TRIM2: variants seen among roughly 807,000 people sequenced by gnomAD.
TRIM2 encodes the protein tripartite motif containing 2, also known as tripartite motif-containing protein 2.
TRIM2 carries 20 observed loss-of-function variants against 75.2 expected under a neutral mutation model. That is an observed-to-expected ratio of 0.27 (90% CI 0.19 to 0.39). TRIM2 has a LOEUF of 0.39. Among genes scored for constraint, TRIM2 ranks in the 10% least tolerant of loss-of-function variants. TRIM2 has a pLI of 1.00. For missense variants in TRIM2, 660 were observed against 990.8 expected (o/e 0.67, Z 4.48); for synonymous variants, 373 against 388.3 (o/e 0.96, Z 0.46).
chr4:153,187,011 A>G (rs776474780), intron 1 of TRIM2, among the ~76,000 whole-genome samples: 7 of 152,234 alleles, frequency 4.6e-5, no homozygotes, highest in Non-Finnish European at 1.0e-4. Context: ...TAAAAATTCA[A>G]ATCATCCTTG....
intron 2 of TRIM2, among the ~76,000 whole-genome samples, chr4:153,273,235 C>T (rs1757166957): frequency 1.4e-5 from 2 of 145,844 alleles, no homozygotes; most frequent in Admixed American, 1.4e-4. Flanking sequence ...GCTGGACATT[C>T]ATACTGGCTA....
chr4:153,242,779 G>A (rs143675101), intron 1 of TRIM2, among the ~76,000 whole-genome samples: 159 of 152,338 alleles, frequency 1.0e-3, no homozygotes, highest in Middle Eastern at 6.8e-3. Flanking sequence ...GCAGGCACTC[G>A]GAGTTAGGCC....
At chr4:153,206,595 G>A (rs1735502817) in intron 1 of TRIM2, among the ~76,000 whole-genome samples, 1 of 152,088 alleles carries the variant, frequency 6.6e-6, no homozygotes. Context: ...CCGCTCCTTT[G>A]GGTTTTTATG....
chr4:153,166,153 G>T (rs13114864), intron 1 of TRIM2, among the ~76,000 whole-genome samples: 124,871 of 152,126 alleles, frequency 0.82, 52,194 homozygotes, highest in Non-Finnish European at 0.89. Context: ...GGATGCAATA[G>T]CTTTTTTTTG....
chr4:153,244,138 CTTCTTG>C (rs1165813252), intron 1 of TRIM2, among the ~76,000 whole-genome samples: 1 of 138,508 alleles, frequency 7.2e-6, no homozygotes, highest in Non-Finnish European at 1.6e-5. Flanking sequence ...TCTTCTTCTT[CTTCTTG>C]TTCTTCTTGT....
At chr4:153,297,296 C>A (rs1045012593) in intron 6 of TRIM2, among the ~76,000 whole-genome samples, 3 of 152,166 alleles carry the variant, frequency 2.0e-5, no homozygotes, top group African/African-American at 7.2e-5. Context: ...TGATTCTCCA[C>A]CAGAGCAGAG....
At chr4:153,256,557 A>G (rs923747258) in intron 1 of TRIM2, among the ~76,000 whole-genome samples, 4 of 152,212 alleles carry the variant, frequency 2.6e-5, no homozygotes, top group African/African-American at 9.6e-5. Flanking sequence ...TTTATTCTAA[A>G]TTATTATTTG....
At chr4:153,249,131 G>C (rs1461800631) in intron 1 of TRIM2, among the ~76,000 whole-genome samples, 1 of 152,248 alleles carries the variant, frequency 6.6e-6, no homozygotes, top group African/African-American at 2.4e-5. Flanking sequence ...ACTTGAATCA[G>C]TTCTTTTACA....
chr4:153,154,894 C>T (rs1019074546), intron 1 of TRIM2, among the ~76,000 whole-genome samples: 1 of 152,144 alleles, frequency 6.6e-6, no homozygotes, highest in Non-Finnish European at 1.5e-5. Context: ...ATTCCCAGCA[C>T]TTTGGGAGGC....
intron 1 of TRIM2, among the ~76,000 whole-genome samples, chr4:153,215,957 T>C (rs1052721933): frequency 1.3e-5 from 2 of 152,352 alleles, no homozygotes; most frequent in African/African-American, 4.8e-5. Flanking sequence ...TGCCTGTTTT[T>C]ATTTTTTTGT....
chr4:153,295,627 C>T lies in TRIM2; in HGVS notation c.1101C>T (p.Ile367=). 6.2e-7 allele frequency: 1 copy of T among 1,613,990 alleles called. No individual in the cohort carries two copies. Among genetic ancestry groups the T allele is most frequent in the South Asian group, 1.1e-5 (1 of 91,070 alleles). Residue 367 remains isoleucine (I), a synonymous_variant, in exon 6 of 12, where the codon ATC becomes ATT. Coordinates refer to ENST00000338700, the MANE Select transcript of TRIM2 (RefSeq NM_015271.5). This position sits in a 1 kb window ranked among gnomAD's most constrained non-coding sequence, Gnocchi z 7.2. ...ATGEGLRQTI[I]GQPMSVTITT... is the part of the protein sequence containing the mutation. ...GCGAGGGGCTGCGGCAGACCATCAT[C>T]GGGCAGCCCATGTCCGTCACCATCA...
intron 6 of TRIM2, among the ~76,000 whole-genome samples, chr4:153,313,508 A>G (rs1055014961): frequency 4.6e-5 from 7 of 152,064 alleles, no homozygotes; most frequent in African/African-American, 1.7e-4. Context: ...TCTGTTTCAG[A>G]CAAGTCTATT....
At chr4:153,195,481 G>T (rs1159036726) in intron 1 of TRIM2, among the ~76,000 whole-genome samples, 1 of 151,944 alleles carries the variant, frequency 6.6e-6, no homozygotes, top group Admixed American at 6.6e-5. Flanking sequence ...GCACCACTAC[G>T]CTCCAGCCTG....
chr4:153,295,296 C>T lies in TRIM2; in HGVS notation c.787-17C>T, dbSNP rs1455465253. ...GCCCTGTGGGACGAGCTCACCAGGC[C>T]TCCGGTTTTCCCGCAGGTCCTCCAG... is the stretch of plus-strand genomic sequence containing the variant. On this transcript the variant is annotated splice_polypyrimidine_tract_variant and intron_variant, in intron 5 of 11. Transcript: ENST00000338700. The surrounding 1 kb of genome is among the most constrained non-coding windows in gnomAD (Gnocchi z 7.2). 1 of 1,563,924 alleles carries T rather than the reference C, an allele frequency of 6.4e-7. No individual in the cohort carries two copies. Among genetic ancestry groups the T allele is most frequent in the Admixed American group, 1.8e-5 (1 of 54,500 alleles).
In TRIM2 at chr4:153,186,800, GA is replaced by G. The variant is rs551781435; in HGVS notation, c.-49+33533del. 2.5e-3 allele frequency among the ~76,000 whole-genome samples: 374 copies of G among 152,216 alleles called. 1 individual carries two copies. Among genetic ancestry groups the G allele is most frequent in the African/African-American group, 8.7e-3 (361 of 41,528 alleles). On this transcript the variant is annotated intron_variant, in intron 1 of 11. Transcript: ENST00000437508. ...AAAAGCCTGCTCCTCTAGACCTTAA[GA>G]AATGACCAGAGGGAGAATATGAGAA...
Position 153,337,944 on chromosome 4 carries a change from G to A in TRIM2, c.*2978G>A, listed in dbSNP as rs76036887. The A allele has an allele frequency of 2.0e-6, 2 of 985,642 alleles. No homozygotes were observed. Among genetic ancestry groups the A allele is most frequent in the Non-Finnish European group, 2.4e-6 (2 of 829,936 alleles). The allele number at this position is 985,642 out of a possible 1,614,324, so 61.1% of individuals were successfully genotyped here. On this transcript the variant is annotated 3_prime_UTR_variant, in exon 12 of 12. Transcript: ENST00000338700. ...GACATGGGGAGGCAGAGAGTCACTT[G>A]ACCATCCAGAAATACATGACTACAA...
intron 8 of TRIM2, among the ~76,000 whole-genome samples, chr4:153,318,776 G>C (rs1768261450): frequency 6.6e-6 from 1 of 152,134 alleles, no homozygotes; most frequent in African/African-American, 2.4e-5. Flanking sequence ...GGCTCTCTAA[G>C]CATTTTTTGT....
intron 2 of TRIM2, among the ~76,000 whole-genome samples, chr4:153,272,736 G>A (rs913879100): frequency 1.3e-5 from 2 of 152,160 alleles, no homozygotes; most frequent in African/African-American, 2.4e-5. Flanking sequence ...CTCCCAAAGT[G>A]TTGGGCTTAC....
intron 1 of TRIM2, among the ~76,000 whole-genome samples, chr4:153,259,562 A>T (rs1752901013): frequency 6.6e-6 from 1 of 152,186 alleles, no homozygotes; most frequent in South Asian, 2.1e-4. Flanking sequence ...CTGCCAAATT[A>T]TTTACTGTCA....
Sources: gnomAD v4.1 joint callset for allele counts (sites outside exome capture counted in the v4.1 genomes callset) on GRCh38, gnomAD v4.1.1 for gene constraint, Gnocchi (gnomAD v3.1) non-coding constraint, MANE v1.5 for transcripts, NCBI Gene and HGNC (gene_info 2026-07-23, HGNC 2026-07-21) for gene names.